The following WDPCP variants were observed in gnomAD, a reference collection of about 807,000 sequenced individuals.
WDPCP encodes the protein WD repeat containing planar cell polarity effector, also known as WD repeat-containing and planar cell polarity effector protein fritz homolog.
A neutral mutation model predicts 93.1 loss-of-function variants in WDPCP; 71 were observed. The observed-to-expected ratio is 0.76, with a 90% confidence interval of 0.63 to 0.93. The LOEUF (loss-of-function observed/expected upper bound fraction) is 0.93, where lower values mean the gene tolerates loss of function less well. WDPCP is among the 40% of genes least tolerant of loss of function. The pLI, the probability that WDPCP is intolerant of heterozygous loss-of-function variation, is 0.00. For synonymous variants in WDPCP, 315 were observed against 315.0 expected (o/e 1.00, Z 0.00); for missense variants, 844 against 887.4 (o/e 0.95, Z 0.62).
chr2:63,574,043 A>C (rs1707742104), intron 1 of WDPCP, among the ~76,000 whole-genome samples: 1 of 152,200 alleles, frequency 6.6e-6, no homozygotes, highest in Non-Finnish European at 1.5e-5. Flanking sequence ...TATCAATGAC[A>C]ATGTGTGCCC....
rs971678472 is a variant in WDPCP, at chr2:63,167,799, A to G, written c.2078+6871T>C. 4.7e-4 allele frequency among the ~76,000 whole-genome samples: 72 copies of G among 152,106 alleles called. 5 individuals are homozygous for G. The highest frequency in any genetic ancestry group is 1.9e-4 in the East Asian group (1 of 5,192). ...TATTATTTCTTGTTACTTTTTGCCT[A>G]CTTGATCTATTCTGTAGTAAGCATA... On this transcript the variant is annotated intron_variant, in intron 15 of 17. Transcript: ENST00000272321.
Position 63,412,769 on chromosome 2 carries a change from T to A in WDPCP, c.826-8112A>T, listed in dbSNP as rs553752970. 5.7e-5 allele frequency among the ~76,000 whole-genome samples: 8 copies of A among 139,410 alleles called. No homozygotes were observed. The South Asian group carries it at 1.9e-3, about 32-fold the overall frequency. 91.5% of individuals were successfully genotyped at this position (139,410 alleles called of 152,430 possible). A position where few individuals can be genotyped will look rare whatever the true frequency, so the allele number is the denominator to read the frequency against. On this transcript the variant is annotated intron_variant, in intron 9 of 17. Transcript: ENST00000272321. ...AATCAAATCAAGAACTCAACCCCTT[T>A]TATAATAGCTGCAAAAAAAAAAATG... is the stretch of plus-strand genomic sequence containing the variant.
intron 3 of WDPCP, among the ~76,000 whole-genome samples, chr2:63,624,611 C>T (rs907915243): frequency 6.6e-6 from 1 of 152,116 alleles, no homozygotes; most frequent in African/African-American, 2.4e-5. Context: ...CACATATACA[C>T]CCTCCCAAGA....
intron 3 of WDPCP, chr2:63,644,100 G>A (rs1710017699): frequency 2.9e-6 from 1 of 342,664 alleles, no homozygotes; most frequent in African/African-American, 2.2e-5. Flanking sequence ...TGGTTTGTTA[G>A]TATTTTGTTG....
chr2:63,815,280 G>C (rs1670918081), intron 1 of WDPCP, among the ~76,000 whole-genome samples: 1 of 151,952 alleles, frequency 6.6e-6, no homozygotes, highest in South Asian at 2.1e-4. Flanking sequence ...TTTGAACAAA[G>C]GGAACAAATA....
At chr2:63,416,965 T>C (rs750974500) in intron 9 of WDPCP, among the ~76,000 whole-genome samples, 49 of 152,226 alleles carry the variant, frequency 3.2e-4, no homozygotes, top group Non-Finnish European at 6.3e-4. Context: ...GTTTTGACAA[T>C]AGAGAATGCT....
chr2:63,402,933 T>C (rs2105170201), intron 10 of WDPCP, among the ~76,000 whole-genome samples: 1 of 152,296 alleles, frequency 6.6e-6, no homozygotes, highest in African/African-American at 2.4e-5. Flanking sequence ...ATTGGGTATA[T>C]ATCCAGAGGA....
At chr2:63,722,349 G>A (rs1325360554) in intron 2 of WDPCP, among the ~76,000 whole-genome samples, 1 of 127,056 alleles carries the variant, frequency 7.9e-6, no homozygotes, top group Non-Finnish European at 1.7e-5. Flanking sequence ...GCCGCCCATC[G>A]TCTGAGATGT....
chr2:63,195,472 AT>A (rs199926811), intron 14 of WDPCP, among the ~76,000 whole-genome samples: 2 of 151,284 alleles, frequency 1.3e-5, no homozygotes, highest in African/African-American at 2.4e-5. Flanking sequence ...TTATACATGG[AT>A]TTTTTTTTGA....
intron 1 of WDPCP, among the ~76,000 whole-genome samples, chr2:63,506,507 G>A (rs772175744): frequency 2.6e-5 from 4 of 151,848 alleles, no homozygotes; most frequent in Non-Finnish European, 4.4e-5. Context: ...AATTTTGGAG[G>A]GTAAAAAGCA....
intron 2 of WDPCP, among the ~76,000 whole-genome samples, chr2:63,738,308 C>T (rs1264345101): frequency 6.6e-6 from 1 of 151,938 alleles, no homozygotes; most frequent in Non-Finnish European, 1.5e-5. Flanking sequence ...CTTTATTTCA[C>T]TTGTAATACG....
chr2:63,648,660 A>G (rs765831180), intron 3 of WDPCP, among the ~76,000 whole-genome samples: 10 of 152,152 alleles, frequency 6.6e-5, no homozygotes, highest in Non-Finnish European at 1.2e-4. Flanking sequence ...TTTCATTAGT[A>G]TAATTCTTTT....
intron 13 of WDPCP, among the ~76,000 whole-genome samples, chr2:63,271,674 T>C (rs1682664557): frequency 6.6e-6 from 1 of 152,202 alleles, no homozygotes; most frequent in Non-Finnish European, 1.5e-5. Flanking sequence ...AAGATAGGTC[T>C]ACTCTGCCCA....
intron 2 of WDPCP, among the ~76,000 whole-genome samples, chr2:63,709,773 T>G (rs1417004241): frequency 2.0e-5 from 3 of 152,230 alleles, no homozygotes; most frequent in African/African-American, 7.2e-5. Context: ...CAGTTTTAGT[T>G]GCTGAAACTT....
At chr2:63,558,527 C>CAAAAAAAAAAAAAAAAAAAAAA (rs57582852) in intron 1 of WDPCP, among the ~76,000 whole-genome samples, 1 of 143,256 alleles carries the variant, frequency 7.0e-6, no homozygotes. Context: ...GACTCTGTCT[C>CAAAAAAAAAAAAAAAAAAAAAA]AAAAAAAAAA....
At chr2:63,825,580 C>T (rs997511494) in intron 1 of WDPCP, among the ~76,000 whole-genome samples, 4 of 151,816 alleles carry the variant, frequency 2.6e-5, no homozygotes, top group African/African-American at 9.7e-5. Context: ...TAACAAACTA[C>T]ATTCTTCTGC....
At chr2:63,379,482 T>C (rs546930323) in intron 11 of WDPCP, among the ~76,000 whole-genome samples, 1 of 152,280 alleles carries the variant, frequency 6.6e-6, no homozygotes, top group African/African-American at 2.4e-5. Flanking sequence ...AGATGAACTT[T>C]AGGGGTATTT....
chr2:63,840,701 A>G, the WDPCP span, among the ~76,000 whole-genome samples: 1 of 152,112 alleles, frequency 6.6e-6, no homozygotes, highest in Admixed American at 6.5e-5. Context: ...GAATATTTTT[A>G]CTGATTGGAA....
intron 14 of WDPCP, among the ~76,000 whole-genome samples, chr2:63,213,390 A>G (rs1677010417): frequency 6.6e-6 from 1 of 152,248 alleles, no homozygotes; most frequent in African/African-American, 2.4e-5. Context: ...ATATAATGAA[A>G]TGAAGGCAGA....
Sources: gnomAD v4.1 joint callset for allele counts (sites outside exome capture counted in the v4.1 genomes callset) on GRCh38, gnomAD v4.1.1 for gene constraint, MANE v1.5 for transcripts, NCBI Gene and HGNC (gene_info 2026-07-23, HGNC 2026-07-21) for gene names.